Variants in DUS2 observed in about 807,000 individuals in gnomAD.
DUS2 encodes the protein dihydrouridine synthase 2.
In DUS2, 52 loss-of-function variants were observed where a neutral mutation model predicts 71.3. The observed-to-expected ratio is 0.73, with a 90% CI of 0.58 to 0.92. DUS2 has a LOEUF of 0.92. Ranked by LOEUF, DUS2 falls within the 40% of genes least tolerant of loss-of-function variation. The pLI, the probability that DUS2 is intolerant of heterozygous loss-of-function variation, is 0.00. For synonymous variants in DUS2, 204 were observed against 227.8 expected, an observed-to-expected ratio of 0.90 and a Z score of 0.94; for missense variants, 558 against 622.6, an observed-to-expected ratio of 0.90 and a Z score of 1.10.
At chr16:68,048,392 C>G (rs551078959) in intron 3 of DUS2, among the ~76,000 whole-genome samples, 43 of 152,298 alleles carry the variant, frequency 2.8e-4, no homozygotes, top group African/African-American at 1.0e-3. Flanking sequence ...GGATCACTGG[C>G]TACTGGGGCT....
intron 3 of DUS2, among the ~76,000 whole-genome samples, chr16:68,046,106 G>A (rs1485801598): frequency 2.0e-5 from 3 of 152,192 alleles, no homozygotes; most frequent in Non-Finnish European, 2.9e-5. Context: ...AGGGTACCAT[G>A]TGTGATGCTG....
At chr16:68,044,203 G>A (rs2033669959) in intron 3 of DUS2, among the ~76,000 whole-genome samples, 1 of 151,874 alleles carries the variant, frequency 6.6e-6, no homozygotes, top group South Asian at 2.1e-4. Flanking sequence ...AGATTGTTTT[G>A]TGTAATCTGG....
At chr16:68,027,793 G>A (rs942713739) in intron 2 of DUS2, among the ~76,000 whole-genome samples, 1 of 151,408 alleles carries the variant, frequency 6.6e-6, no homozygotes, top group Non-Finnish European at 1.5e-5. Flanking sequence ...CCAGGAGGAG[G>A]TGATGAGGTT....
intron 5 of DUS2, among the ~76,000 whole-genome samples, chr16:68,054,363 G>A (rs370538092): frequency 2.6e-5 from 4 of 152,312 alleles, no homozygotes; most frequent in African/African-American, 4.8e-5. Flanking sequence ...TGTAATCATA[G>A]TATAGATAAC....
intron 1 of DUS2, among the ~76,000 whole-genome samples, chr16:68,025,033 C>T (rs1299638754): frequency 6.6e-6 from 1 of 151,878 alleles, no homozygotes; most frequent in Non-Finnish European, 1.5e-5. Context: ...GGTTTCACTA[C>T]GTTGGGCAGG....
intron 2 of DUS2, among the ~76,000 whole-genome samples, chr16:68,037,661 C>T (rs1334768239): frequency 1.3e-5 from 2 of 152,038 alleles, no homozygotes; most frequent in East Asian, 1.9e-4. Flanking sequence ...TCAGGTGATC[C>T]GCCTGCCTCG....
chr16:68,047,045 C>T (rs1438886005), intron 3 of DUS2, among the ~76,000 whole-genome samples: 5 of 124,054 alleles, frequency 4.0e-5, no homozygotes, highest in Admixed American at 8.6e-5. Context: ...CCACCATGCC[C>T]GGCCTTTTTT....
At chr16:68,042,859 C>G (rs928822717) in intron 3 of DUS2, among the ~76,000 whole-genome samples, 2 of 152,136 alleles carry the variant, frequency 1.3e-5, no homozygotes, top group South Asian at 2.1e-4. Context: ...CAGGCATGCA[C>G]CACTACACCT....
At chr16:68,062,908 C>G (rs2033959880) in intron 8 of DUS2, among the ~76,000 whole-genome samples, 1 of 152,106 alleles carries the variant, frequency 6.6e-6, no homozygotes, top group Admixed American at 6.5e-5. Context: ...CCAGTTAAGA[C>G]ACTTGTGTGC....
At chr16:68,064,900 G>C (rs878907198) in intron 8 of DUS2, among the ~76,000 whole-genome samples, 2 of 152,166 alleles carry the variant, frequency 1.3e-5, no homozygotes, top group African/African-American at 2.4e-5. Flanking sequence ...TGCTGCCCCC[G>C]CCTGTCTAGA....
chr16:68,036,386 C>T (rs1183568208), intron 2 of DUS2, among the ~76,000 whole-genome samples: 1 of 152,110 alleles, frequency 6.6e-6, no homozygotes, highest in Non-Finnish European at 1.5e-5. Flanking sequence ...GTCTTGAACT[C>T]CTGACCTCAG....
chr16:68,067,428 C>T (rs1049266959), intron 10 of DUS2, among the ~76,000 whole-genome samples: 3 of 144,984 alleles, frequency 2.1e-5, no homozygotes, highest in Non-Finnish European at 3.0e-5. Flanking sequence ...ATTACAGGTG[C>T]GCTCCACCAT....
rs759720124 is a variant in DUS2, at chr16:68,074,062, A to G, written c.839A>G (p.Asn280Ser). The change falls in exon 13 of 17, where the codon AAC becomes AGC. Residue 280 changes from asparagine (N) to serine (S), a missense_variant. Asn to Ser is a conservative substitution (Grantham distance 46). Coordinates refer to ENST00000565263, the MANE Select transcript of DUS2 (RefSeq NM_017803.5). ...GTGCAGTATGACAACCACTACACCA[A>G]CACCAAGTACTGCTTGTGCCAGATG... is the stretch of plus-strand genomic sequence containing the variant. ...YAVQYDNHYT[N>S]TKYCLCQMLR... 2.5e-6 allele frequency: 4 copies of G among 1,614,180 alleles called. No individual in the cohort carries two copies. Among genetic ancestry groups the G allele is most frequent in the South Asian group, 1.1e-5 (1 of 91,084 alleles).
chr16:68,064,494 G>A (rs1335576652), intron 8 of DUS2, among the ~76,000 whole-genome samples: 1 of 152,240 alleles, frequency 6.6e-6, no homozygotes, highest in African/African-American at 2.4e-5. Flanking sequence ...AATTGGATCA[G>A]ACCAGCTGGT....
intron 2 of DUS2, among the ~76,000 whole-genome samples, chr16:68,034,943 G>T (rs1281228844): frequency 1.3e-5 from 2 of 152,174 alleles, no homozygotes; most frequent in African/African-American, 4.8e-5. Flanking sequence ...AGAGGTTGCA[G>T]TGAGCCAAGA....
chr16:68,044,885 C>T (rs1432948635), intron 3 of DUS2, among the ~76,000 whole-genome samples: 10 of 151,978 alleles, frequency 6.6e-5, no homozygotes, highest in South Asian at 2.1e-4. Context: ...CTCTGCCTCC[C>T]GGGCTCAAGC....
At position 68,024,095 on chromosome 16, in the gene DUS2, CT is replaced by C. The variant is rs71847664; in HGVS notation, c.-99+761del. On this transcript the variant is annotated intron_variant, in intron 1 of 16. Transcript: ENST00000565263. Reference sequence around the variant, plus strand: ...GTAAAAACAAGAACTATACGAGTCACTTTTTTTTTTTTTTTTTCTGAGACAC... The same window carrying C: ...GTAAAAACAAGAACTATACGAGTCACTTTTTTTTTTTTTTTTCTGAGACAC... 124 of 135,526 alleles carry C rather than the reference CT, an allele frequency of 9.1e-4. 1 individual carries two copies. The highest frequency in any genetic ancestry group is 7.6e-3 in the Middle Eastern group (2 of 262). The allele number at this position is 135,526 out of a possible 1,614,324, so 8.4% of individuals were successfully genotyped here.
rs1293351053 is a variant in DUS2, at chr16:68,075,436, T to G, written c.1014T>G (p.Thr338=). The G allele has an allele frequency of 1.2e-6, 2 of 1,614,014 alleles. No homozygotes were observed. Among genetic ancestry groups the G allele is most frequent in the Admixed American group, 1.7e-5 (1 of 60,010 alleles). Residue 338 remains threonine, a synonymous_variant, in exon 14 of 17, where the codon ACT becomes ACG. Coordinates refer to ENST00000565263, the MANE Select transcript of DUS2 (RefSeq NM_017803.5). ...AGCAGGCCAGGCTCTCAGCCAAGAC[T>G]TCAGAGCAGACAGGGGAGCCAGCTG... ...DAQQARLSAK[T]SEQTGEPAED...
rs539764462 is a variant in DUS2 at position 68,042,689 on chromosome 16, ATTTATTTTTATTTTTAT to A, written c.126+4561_126+4577del. On this transcript the variant is annotated intron_variant, in intron 3 of 16. Coordinates refer to ENST00000565263, the MANE Select transcript of DUS2 (RefSeq NM_017803.5). ...CACACCTGGCTAATTTTATTTATTTATTTATTTTTATTTTTATTTTATTTTTATTTTTATTTTGAGAC... is the reference window on the plus strand; with the variant it reads ...CACACCTGGCTAATTTTATTTATTTATTTATTTTTATTTTTATTTTGAGAC... Among the ~76,000 whole-genome samples, 524 of 150,804 alleles carry A rather than the reference ATTTATTTTTATTTTTAT, an allele frequency of 3.5e-3. 1 individual carries two copies. The highest frequency in any genetic ancestry group is 5.8e-3 in the Non-Finnish European group (394 of 67,698).
Sources: allele counts gnomAD v4.1 joint callset (sites outside exome capture counted in the v4.1 genomes callset), GRCh38; gene constraint gnomAD v4.1.1; transcripts MANE v1.5; gene names NCBI Gene and HGNC (gene_info 2026-07-23, HGNC 2026-07-21).